Variants in FBXW7 observed in about 807,000 individuals in gnomAD.
FBXW7 encodes F-box/WD repeat-containing protein 7.
FBXW7 carries 11 observed loss-of-function variants against 86.3 expected under a neutral mutation model. The observed-to-expected ratio is 0.13, with a 90% CI of 0.08 to 0.21. FBXW7 has a LOEUF of 0.21. Ranked by LOEUF, FBXW7 falls within the 10% of genes least tolerant of loss-of-function variation. The pLI, the probability that FBXW7 is intolerant of heterozygous loss-of-function variation, is 1.00. For synonymous variants in FBXW7, 313 were observed against 297.9 expected (o/e 1.05, Z -0.52); for missense variants, 488 against 847.4 (o/e 0.58, Z 5.27).
In FBXW7 at chr4:152,501,560, TG is replaced by T. The variant is rs1560974388; in HGVS notation, c.-120+33380del. 2.6e-5 allele frequency among the ~76,000 whole-genome samples: 4 copies of T among 152,288 alleles called. No homozygotes were observed. In the East Asian group the frequency reaches 7.7e-4, roughly 29 times the overall value. ...ACTGGTTTTAAAACCACAGAGGAGT[TG>T]AAGTACTTAATTTTAGAAATTGTAT... On this transcript the variant is annotated intron_variant, in intron 2 of 13. Transcript: ENST00000281708.
chr4:152,457,438 C>T (rs1742520749), intron 2 of FBXW7, among the ~76,000 whole-genome samples: 2 of 151,960 alleles, frequency 1.3e-5, no homozygotes, highest in African/African-American at 4.8e-5. Flanking sequence ...GTCAGGAGAG[C>T]GAGACCATCC....
intron 6 of FBXW7, among the ~76,000 whole-genome samples, chr4:152,340,468 A>C (rs1361129261): frequency 6.6e-6 from 1 of 150,978 alleles, no homozygotes; most frequent in Non-Finnish European, 1.5e-5. Flanking sequence ...AGTCCCGGCG[A>C]CTTGGGAGGC....
At chr4:152,482,522 T>C (rs1378078546) in intron 2 of FBXW7, among the ~76,000 whole-genome samples, 1 of 152,180 alleles carries the variant, frequency 6.6e-6, no homozygotes, top group African/African-American at 2.4e-5. Flanking sequence ...TTTTCACCAC[T>C]TCCTTGTTTT....
At chr4:152,426,327 A>G (rs1193583021) in intron 2 of FBXW7, among the ~76,000 whole-genome samples, 1 of 151,602 alleles carries the variant, frequency 6.6e-6, no homozygotes, top group Non-Finnish European at 1.5e-5. Context: ...GGAAGAGTAA[A>G]TATTTCCAGA....
chr4:152,520,156 G>A (rs1332613014), intron 2 of FBXW7, among the ~76,000 whole-genome samples: 2 of 152,144 alleles, frequency 1.3e-5, no homozygotes, highest in South Asian at 2.1e-4. Flanking sequence ...ATTACCGGCC[G>A]GGCGCGGTGG....
chr4:152,351,577 G>A lies in FBXW7; in HGVS notation c.502-1453C>T, dbSNP rs147893625. On this transcript the variant is annotated intron_variant, in intron 4 of 13. Coordinates refer to ENST00000281708, the MANE Select transcript of FBXW7 (RefSeq NM_001349798.2). ...AGTATATAGGTAGCCACGTGTTTCCGTGTATATAATTTATAGATACACACA... is the reference window on the plus strand; with the variant it reads ...AGTATATAGGTAGCCACGTGTTTCCATGTATATAATTTATAGATACACACA... 4.9e-3 allele frequency among the ~76,000 whole-genome samples: 741 copies of A among 152,094 alleles called. 4 individuals carry two copies. The highest frequency in any genetic ancestry group is 0.016 in the African/African-American group (675 of 41,514).
chr4:152,418,872 T>C (rs1324756035), intron 2 of FBXW7, among the ~76,000 whole-genome samples: 2 of 152,154 alleles, frequency 1.3e-5, no homozygotes, highest in Non-Finnish European at 2.9e-5. Context: ...AATTGATATG[T>C]GCAGTAAGAA....
chr4:152,323,343 T>C, intron 13 of FBXW7, 194 bp from the exon 14 acceptor site: 1 of 663,060 alleles, frequency 1.5e-6, no homozygotes, highest in East Asian at 2.8e-5. Flanking sequence ...GATTTGTAAC[T>C]GAAACATTAA....
chr4:152,420,780 G>C (rs988119781), intron 2 of FBXW7, among the ~76,000 whole-genome samples: 1 of 151,964 alleles, frequency 6.6e-6, no homozygotes. Context: ...AACATATCTA[G>C]CAAACTGTGC....
chr4:152,529,949 G>A (rs1451063396), intron 2 of FBXW7, among the ~76,000 whole-genome samples: 5 of 151,398 alleles, frequency 3.3e-5, no homozygotes, highest in South Asian at 2.1e-4. Flanking sequence ...CCAGCCACTC[G>A]AGAGGCTGAG....
chr4:152,500,878 A>G (rs1467739575), intron 2 of FBXW7, among the ~76,000 whole-genome samples: 1 of 152,230 alleles, frequency 6.6e-6, no homozygotes, highest in African/African-American at 2.4e-5. Flanking sequence ...CTTAAAATTA[A>G]GCAACATAAG....
intron 2 of FBXW7, among the ~76,000 whole-genome samples, chr4:152,423,334 T>C (rs1739108458): frequency 6.6e-6 from 1 of 152,242 alleles, no homozygotes; most frequent in Non-Finnish European, 1.5e-5. Flanking sequence ...TTGGTAATGC[T>C]GTATTACATG....
chr4:152,340,638 G>C (rs2714802), intron 6 of FBXW7, among the ~76,000 whole-genome samples: 1 of 144,636 alleles, frequency 6.9e-6, no homozygotes, highest in South Asian at 2.2e-4. Context: ...TAGAAAATGA[G>C]ACTGTTTCCA....
intron 2 of FBXW7, among the ~76,000 whole-genome samples, chr4:152,458,743 A>C (rs1742665661): frequency 6.6e-6 from 1 of 152,236 alleles, no homozygotes; most frequent in South Asian, 2.1e-4. Context: ...AGAGTGAACT[A>C]ACTTACTTCT....
At chr4:152,359,190 A>T (rs1313749671) in intron 4 of FBXW7, among the ~76,000 whole-genome samples, 3 of 152,146 alleles carry the variant, frequency 2.0e-5, no homozygotes, top group Admixed American at 6.6e-5. Context: ...TTAAAAAAAC[A>T]ATCAATTGAG....
chr4:152,388,855 C>A (rs1735764224), intron 4 of FBXW7, among the ~76,000 whole-genome samples: 2 of 152,024 alleles, frequency 1.3e-5, no homozygotes, highest in Admixed American at 1.3e-4. Flanking sequence ...GAAAAGACAA[C>A]CTACAGAATG....
chr4:152,347,020 G>A lies in FBXW7; in HGVS notation c.636C>T (p.Leu212=), dbSNP rs2126635799. The change falls in exon 6 of 14, where the codon CTC becomes CTT. Residue 212 remains leucine (L), a synonymous_variant. Coordinates refer to ENST00000281708, the MANE Select transcript of FBXW7 (RefSeq NM_001349798.2). ...GTTGCCCTTGGCCATTGGCTGCTCTGAGGTCCCCAAAAGTTGTTGGTGTTG... is the reference window on the plus strand; with the variant it reads ...GTTGCCCTTGGCCATTGGCTGCTCTAAGGTCCCCAAAAGTTGTTGGTGTTG... ...CSATPTTFGD[L]RAANGQGQQR... 2 of 1,612,568 alleles carry A rather than the reference G, an allele frequency of 1.2e-6. No homozygotes were observed. The highest frequency in any genetic ancestry group is 8.5e-7 in the Non-Finnish European group (1 of 1,179,676).
At chr4:152,499,356 A>C (rs1579361763) in intron 2 of FBXW7, among the ~76,000 whole-genome samples, 1 of 152,316 alleles carries the variant, frequency 6.6e-6, no homozygotes, top group South Asian at 2.1e-4. Flanking sequence ...CCCTAGCTGC[A>C]AGGAATACTA....
chr4:152,348,977 C>T (rs1172774377), intron 5 of FBXW7, among the ~76,000 whole-genome samples: 1 of 151,996 alleles, frequency 6.6e-6, no homozygotes, highest in Non-Finnish European at 1.5e-5. Context: ...TTTTTCTTTT[C>T]TGTGTTATCT....
Sources: allele counts gnomAD v4.1 joint callset (sites outside exome capture counted in the v4.1 genomes callset), GRCh38; gene constraint gnomAD v4.1.1; transcripts MANE v1.5; gene names NCBI Gene and HGNC (gene_info 2026-07-23, HGNC 2026-07-21).